Variants in RYR1 observed in about 807,000 individuals in gnomAD.
RYR1 encodes central core disease of muscle.
In RYR1, 342 loss-of-function variants were observed where a neutral mutation model predicts 583.5. That is an observed-to-expected ratio of 0.59 (90% CI 0.54 to 0.64). The LOEUF (loss-of-function observed/expected upper bound fraction) is 0.64, where lower values mean the gene tolerates loss of function less well. RYR1 is among the 30% of genes least tolerant of loss of function. The probability of loss-of-function intolerance (pLI) is 0.00; values close to 1 mark genes in which losing one functional copy is unlikely to be tolerated. For missense variants in RYR1, 6,032 were observed against 6,917.2 expected (o/e 0.87, Z 4.54); for synonymous variants, 2,791 against 2,822.5 (o/e 0.99, Z 0.35).
Position 38,478,605 on chromosome 19 carries a change from G to A in RYR1, c.4620+5G>A. 6.2e-7 allele frequency: 1 copy of A among 1,609,542 alleles called. No homozygotes were observed. Among genetic ancestry groups the A allele is most frequent in the African/African-American group, 1.3e-5 (1 of 75,022 alleles). ...GAGAGCAACACCTTTTTCCAGGTGA[G>A]TCCAGGCCACAGCAATTTAGCGAGA... On this transcript the variant is annotated splice_donor_5th_base_variant and intron_variant, in intron 31 of 105. Coordinates refer to ENST00000359596, the MANE Select transcript of RYR1 (RefSeq NM_000540.3).
intron 67 of RYR1, among the ~76,000 whole-genome samples, chr19:38,521,799 C>T (rs1392301529): frequency 6.9e-6 from 1 of 144,612 alleles, no homozygotes; most frequent in Admixed American, 7.1e-5. Flanking sequence ...CTCCACCTCC[C>T]GGGTTCACGC....
chr19:38,525,412 C>A lies in RYR1; in HGVS notation c.10536C>A (p.Ala3512=). ...RYSVQTSLIV[A]TLKKMLPIGL... ...CTGTGCAGACGTCACTGATCGTGGC[C>A]ACACTGAAGAAGATGCTGCCCATCG... The change falls in exon 71 of 106, where the codon GCC becomes GCA. Residue 3512 remains alanine, a synonymous_variant. Transcript: ENST00000359596. The A allele has an allele frequency of 1.9e-6, 3 of 1,614,012 alleles. No individual in the cohort carries two copies. Among genetic ancestry groups the A allele is most frequent in the Non-Finnish European group, 2.5e-6 (3 of 1,179,968 alleles).
At chr19:38,528,231 G>A (rs1255690326) in intron 73 of RYR1, 75 bp from the exon 74 acceptor site, 1 of 1,220,730 alleles carries the variant, frequency 8.2e-7, no homozygotes, top group Non-Finnish European at 1.2e-6. Flanking sequence ...CGACACAGCT[G>A]GGCAGTTTCA....
At chr19:38,553,093 G>A (rs1215792706) in intron 89 of RYR1, among the ~76,000 whole-genome samples, 1 of 152,118 alleles carries the variant, frequency 6.6e-6, no homozygotes, top group Non-Finnish European at 1.5e-5. Context: ...AACACTTTGG[G>A]AGGCCAAGGC....
In RYR1 at chr19:38,517,445, G is replaced by A. The variant is rs754431075; in HGVS notation, c.9772G>A (p.Glu3258Lys). The A allele has an allele frequency of 3.8e-5, 61 of 1,614,074 alleles. No individual in the cohort carries two copies. Among genetic ancestry groups the A allele is most frequent in the Admixed American group, 3.2e-4 (19 of 60,008 alleles). ...RLMADIGGLA[E>K]SGARYTEMPH... The stretch of plus-strand genomic sequence containing the variant: ...CATGGCAGACATTGGGGGGCTGGCC[G>A]AGTCAGGTGCCCGCTACACAGAGAT... Residue 3258 changes from glutamate (E) to lysine (K), a missense_variant, in exon 66 of 106, where the codon GAG becomes AAG. Transcript: ENST00000359596.
At chr19:38,544,137 T>C (rs1364327622) in intron 87 of RYR1, among the ~76,000 whole-genome samples, 5 of 152,212 alleles carry the variant, frequency 3.3e-5, no homozygotes, top group Non-Finnish European at 5.9e-5. Flanking sequence ...CCCGTCCCAA[T>C]GGCCGGAGCT....
At chr19:38,504,655 G>A (rs902518529) in intron 50 of RYR1, 93 bp from the exon 51 acceptor site, 2 of 1,529,586 alleles carry the variant, frequency 1.3e-6, no homozygotes, top group Admixed American at 1.7e-5. Context: ...GTTCAGGGAG[G>A]AGGGCTGATG....
chr19:38,569,012 G>A (rs1016579391), intron 93 of RYR1, among the ~76,000 whole-genome samples: 3 of 150,446 alleles, frequency 2.0e-5, no homozygotes, highest in Non-Finnish European at 4.4e-5. Context: ...CTCTACAAAA[G>A]AATTTTTTTT....
At chr19:38,491,936 G>A (rs1406503351) in intron 37 of RYR1, among the ~76,000 whole-genome samples, 1 of 152,098 alleles carries the variant, frequency 6.6e-6, no homozygotes, top group African/African-American at 2.4e-5. Flanking sequence ...TACTGGATAA[G>A]TCACTATTAT....
rs1970727020 is a variant in RYR1, at chr19:38,511,562, C to G, written c.9124C>G (p.Leu3042Val). 1.2e-6 allele frequency: 2 copies of G among 1,613,914 alleles called. No homozygotes were observed. Among genetic ancestry groups the G allele is most frequent in the African/African-American group, 1.3e-5 (1 of 75,030 alleles). The change falls in exon 61 of 106, where the codon CTC (leucine) becomes GTC (valine). Residue 3042 changes from leucine (L) to valine (V), a missense_variant and splice_region_variant. By Grantham distance (32) the Leu-to-Val change is conservative (BLOSUM62 1). Around this residue, in one of 11 missense-constraint regions of RYR1, gnomAD observed 1,493 missense variants for 1,715.5 expected, o/e 0.87. Coordinates refer to ENST00000359596, the MANE Select transcript of RYR1 (RefSeq NM_000540.3). ...TTCTGTCCCTTTCTCTTTCTTCAGC[C>G]TCTTCTGCAAACTTGCTGCTCTCGT... The part of the protein sequence containing the change: ...SNKEKEMITS[L>V]FCKLAALVRH...
chr19:38,531,376 A>G (rs977781695), intron 76 of RYR1, among the ~76,000 whole-genome samples: 1 of 152,000 alleles, frequency 6.6e-6, no homozygotes, highest in Non-Finnish European at 1.5e-5. Flanking sequence ...AGGGCTATTA[A>G]CATACCCACC....
chr19:38,440,618 G>T (rs1017180394), intron 1 of RYR1, 127 bp from the exon 2 acceptor site: 11 of 1,022,842 alleles, frequency 1.1e-5, no homozygotes, highest in South Asian at 9.0e-5. Flanking sequence ...AGAGGGCTTG[G>T]GTGGGTTGAT....
intron 55 of RYR1, 36 bp downstream of exon 55, chr19:38,506,413 G>A (rs779128793): frequency 2.8e-5 from 45 of 1,613,686 alleles, no homozygotes; most frequent in Non-Finnish European, 3.6e-5. Context: ...GACATAGGGT[G>A]TCTTTGGGGG....
In RYR1 at chr19:38,463,818, C is replaced by A; in HGVS notation, c.2754C>A (p.Asn918Lys). 2 of 1,613,954 alleles carry A rather than the reference C, an allele frequency of 1.2e-6. 1 individual carries two copies. Among genetic ancestry groups the A allele is most frequent in the South Asian group, 2.2e-5 (2 of 91,068 alleles). ...DFHSLPEPER[N>K]YNLQMSGETL... ...ACAGCCTTCCAGAGCCTGAGAGGAA[C>A]TACAACCTGCAGATGTCTGGGGAGA... Residue 918 changes from asparagine (N) to lysine (K), a missense_variant, in exon 22 of 106, where the codon AAC (asparagine) becomes AAA (lysine). This residue lies in a region of RYR1 where 2,627 missense variants were observed against 2,961.3 expected (regional missense o/e 0.89). Transcript: ENST00000359596.
At chr19:38,456,994 T>G (rs1444869001) in intron 16 of RYR1, among the ~76,000 whole-genome samples, 3 of 127,004 alleles carry the variant, frequency 2.4e-5, no homozygotes, top group Non-Finnish European at 4.6e-5. Context: ...TGCAGTGAGC[T>G]GAGATTGCGC....
In RYR1 at chr19:38,512,866, C is replaced by G. The variant is rs560554509; in HGVS notation, c.9472+383C>G. On this transcript the variant is annotated intron_variant, in intron 63 of 105. Transcript: ENST00000359596. This position sits in a 1 kb window ranked among gnomAD's most constrained non-coding sequence, Gnocchi z 5.1. Reference sequence around the variant, plus strand: ...AGGCACATGCCTGTAATCCCAGCTACTGGGGAGGCTGACAAGGGAGGATCA... The same window carrying G: ...AGGCACATGCCTGTAATCCCAGCTAGTGGGGAGGCTGACAAGGGAGGATCA... Among the ~76,000 whole-genome samples, 3 of 151,994 alleles carry G rather than the reference C, an allele frequency of 2.0e-5. No individual in the cohort carries two copies. The highest frequency in any genetic ancestry group is 1.3e-4 in the Admixed American group (2 of 15,248).
At chr19:38,532,096 T>C (rs1485257271) in intron 76 of RYR1, among the ~76,000 whole-genome samples, 1 of 151,518 alleles carries the variant, frequency 6.6e-6, no homozygotes, top group East Asian at 1.9e-4. Flanking sequence ...TGGGGAGGGT[T>C]GGCCCTCCAA....
chr19:38,467,813 G>A lies in RYR1; in HGVS notation c.3381+1G>A, dbSNP rs797045934. Reference sequence around the variant, plus strand: ...GGCCTATGTCTTCAATGGGCACCGCGTGGGTACCTCCCTGGGCACCATTCT... The same window carrying A: ...GGCCTATGTCTTCAATGGGCACCGCATGGGTACCTCCCTGGGCACCATTCT... On this transcript the variant is annotated splice_donor_variant, in intron 25 of 105. Coordinates refer to ENST00000359596, the MANE Select transcript of RYR1 (RefSeq NM_000540.3). LOFTEE classifies it high-confidence loss of function. The A allele has an allele frequency of 5.6e-6, 9 of 1,613,750 alleles. No individual in the cohort carries two copies. Among genetic ancestry groups the A allele is most frequent in the African/African-American group, 2.7e-5 (2 of 75,044 alleles).
intron 2 of RYR1, among the ~76,000 whole-genome samples, 191 bp downstream of exon 2, chr19:38,441,055 G>A (rs1176793079): frequency 6.6e-6 from 1 of 151,252 alleles, no homozygotes; most frequent in Non-Finnish European, 1.5e-5. Context: ...AGGGGCAGGG[G>A]GTCTGGGGTG....
Sources: gnomAD v4.1 joint callset for allele counts (sites outside exome capture counted in the v4.1 genomes callset) on GRCh38, gnomAD v4.1.1 for gene constraint, gnomAD v4.1.1 regional missense constraint, Gnocchi (gnomAD v3.1) non-coding constraint, MANE v1.5 for transcripts, NCBI Gene and HGNC (gene_info 2026-07-23, HGNC 2026-07-21) for gene names.